MAP3K2: variants seen among roughly 807,000 people sequenced by gnomAD.
MAP3K2 encodes mitogen-activated protein kinase kinase kinase 2.
A neutral mutation model predicts 80.3 loss-of-function variants in MAP3K2; 24 were observed. That is an observed-to-expected ratio of 0.30 (90% CI 0.22 to 0.42). MAP3K2 has a LOEUF of 0.42. Among genes scored for constraint, MAP3K2 ranks in the 10% least tolerant of loss-of-function variants. The probability of loss-of-function intolerance (pLI) is 1.00; values close to 1 mark genes in which losing one functional copy is unlikely to be tolerated. For synonymous variants in MAP3K2, 244 were observed against 253.7 expected (o/e 0.96, Z 0.36); for missense variants, 608 against 750.1 (o/e 0.81, Z 2.21).
In MAP3K2 at chr2:127,302,174, T is replaced by C. The variant is rs1685605704; in HGVS notation, c.*5405A>G. On this transcript the variant is annotated 3_prime_UTR_variant, in exon 17 of 17. Transcript: ENST00000682094. ...TTACTTTCTATTTAAGAATTATATA[T>C]AAGATTATTTTACATATACACAAAT... 1 of 152,168 alleles carries C rather than the reference T, an allele frequency of 6.6e-6. No homozygotes were observed. Among genetic ancestry groups the C allele is most frequent in the Non-Finnish European group, 1.5e-5 (1 of 68,024 alleles). The allele number at this position is 152,168 out of a possible 1,614,324, so 9.4% of individuals were successfully genotyped here. A position where few individuals can be genotyped will look rare whatever the true frequency, so the allele number is the denominator to read the frequency against.
chr2:127,350,469 A>AAG (rs1573997356), intron 1 of MAP3K2, among the ~76,000 whole-genome samples: 2 of 149,062 alleles, frequency 1.3e-5, no homozygotes, highest in East Asian at 3.9e-4. Context: ...AAAAAAAAAA[A>AAG]AAGAAAGAAG....
At chr2:127,359,187 T>C (rs1686845005) in intron 1 of MAP3K2, among the ~76,000 whole-genome samples, 1 of 152,220 alleles carries the variant, frequency 6.6e-6, no homozygotes, top group African/African-American at 2.4e-5. Context: ...TTAATTCTAA[T>C]GTAAATTATG....
chr2:127,372,255 C>CG (rs1687078420), intron 1 of MAP3K2, among the ~76,000 whole-genome samples: 1 of 152,118 alleles, frequency 6.6e-6, no homozygotes, highest in African/African-American at 2.4e-5. Flanking sequence ...TTTCTTCCCC[C>CG]GGGATCAAAG....
chr2:127,340,886 A>C lies in MAP3K2; in HGVS notation c.5-1836T>G, dbSNP rs528033421. Among the ~76,000 whole-genome samples the C allele has an allele frequency of 1.4e-4, 21 of 152,300 alleles. No homozygotes were observed. The South Asian group carries it at 3.9e-3, about 29-fold the overall frequency. On this transcript the variant is annotated intron_variant, in intron 2 of 16. Coordinates refer to ENST00000682094, the MANE Select transcript of MAP3K2 (RefSeq NM_001371910.2). ...AGAAGAAACCTAAACATTTGAATTT[A>C]AACAATTTTATATGCTTAATATTAC...
At chr2:127,329,849 C>A in intron 7 of MAP3K2, 72 bp downstream of exon 7, 1 of 810,238 alleles carries the variant, frequency 1.2e-6, no homozygotes, top group Non-Finnish European at 2.1e-6. Context: ...TGTTTAGGTG[C>A]CACACTACAT....
Position 127,337,751 on chromosome 2 carries a change from T to A in MAP3K2, c.151A>T (p.Arg51Ter). Reference protein sequence around the residue: ...QNDVRVKFEHRGEKRILQFPR... With the variant: ...QNDVRVKFEH ...TTCCTTCCTTACCTTTTTTCTCCTC[T>A]ATGTTCAAATTTGACTCGGACATCA... Residue 51 changes from arginine (R) to a stop codon, truncating the protein, a stop_gained, in exon 4 of 17, where the codon AGA becomes TGA. Coordinates refer to ENST00000682094, the MANE Select transcript of MAP3K2 (RefSeq NM_001371910.2). LOFTEE classifies it high-confidence loss of function. The A allele has an allele frequency of 6.6e-7, 1 of 1,526,096 alleles. No individual in the cohort carries two copies. Among genetic ancestry groups the A allele is most frequent in the Non-Finnish European group, 8.9e-7 (1 of 1,124,466 alleles). 94.5% of individuals were successfully genotyped at this position (1,526,096 alleles called of 1,614,324 possible). A position where few individuals can be genotyped will look rare whatever the true frequency, so the allele number is the denominator to read the frequency against.
At chr2:127,374,556 T>C (rs1010394910) in intron 1 of MAP3K2, among the ~76,000 whole-genome samples, 1 of 152,216 alleles carries the variant, frequency 6.6e-6, no homozygotes, top group South Asian at 2.1e-4. Context: ...CATCCCCTCC[T>C]TCAACAGGTG....
At position 127,307,143 on chromosome 2, in the gene MAP3K2, T is replaced by C. The variant is rs1026420523; in HGVS notation, c.*436A>G. Reference sequence around the variant, plus strand: ...GGGCTCAACCCCACAAATGAGGATATATTTTAAATACTATCACTAAAAACT... The same window carrying C: ...GGGCTCAACCCCACAAATGAGGATACATTTTAAATACTATCACTAAAAACT... On this transcript the variant is annotated 3_prime_UTR_variant, in exon 17 of 17. Coordinates refer to ENST00000682094, the MANE Select transcript of MAP3K2 (RefSeq NM_001371910.2). The surrounding 1 kb of genome is among the most constrained non-coding windows in gnomAD (Gnocchi z 5.4). The C allele has an allele frequency of 1.3e-5, 2 of 152,962 alleles. No individual in the cohort carries two copies. The highest frequency in any genetic ancestry group is 2.9e-5 in the Non-Finnish European group (2 of 68,328). 9.5% of individuals were successfully genotyped at this position (152,962 alleles called of 1,614,324 possible).
chr2:127,333,306 C>CA, intron 5 of MAP3K2, among the ~76,000 whole-genome samples: 1 of 136,866 alleles, frequency 7.3e-6, no homozygotes, highest in Non-Finnish European at 1.6e-5. Flanking sequence ...ACACACACAC[C>CA]CCTTATTAAA....
At chr2:127,323,378 G>A (rs1342478934) in intron 11 of MAP3K2, among the ~76,000 whole-genome samples, 2 of 138,258 alleles carry the variant, frequency 1.4e-5, no homozygotes, top group African/African-American at 2.6e-5. Flanking sequence ...AAAAAAAAAA[G>A]AAAGAAAGAA....
At chr2:127,384,113 T>A (rs1687301545) in intron 1 of MAP3K2, among the ~76,000 whole-genome samples, 1 of 151,664 alleles carries the variant, frequency 6.6e-6, no homozygotes, top group Non-Finnish European at 1.5e-5. Flanking sequence ...GCCAGGATGG[T>A]CTTGATCTCC....
At chr2:127,333,432 G>C (rs967275022) in intron 5 of MAP3K2, among the ~76,000 whole-genome samples, 16 of 151,696 alleles carry the variant, frequency 1.1e-4, no homozygotes, top group African/African-American at 3.2e-4. Flanking sequence ...ATTTTGAACA[G>C]AGGAATTAAT....
intron 1 of MAP3K2, among the ~76,000 whole-genome samples, chr2:127,384,235 T>TATATATATATATATATATA (rs1558993419): frequency 1.4e-5 from 2 of 147,354 alleles, no homozygotes; most frequent in African/African-American, 5.0e-5. Flanking sequence ...TATATATATA[T>TATATATATATATATATATA]TGCTTTTTTA....
chr2:127,368,178 C>T (rs1020890070), intron 1 of MAP3K2, among the ~76,000 whole-genome samples: 1 of 151,910 alleles, frequency 6.6e-6, no homozygotes, highest in Admixed American at 6.6e-5. Flanking sequence ...GAAAATTAAC[C>T]TGGTGTGGTG....
intron 5 of MAP3K2, among the ~76,000 whole-genome samples, chr2:127,334,123 C>T (rs951548088): frequency 2.0e-5 from 3 of 151,738 alleles, no homozygotes; most frequent in African/African-American, 7.3e-5. Context: ...AAACAAAAAC[C>T]AGTTAGCTTG....
chr2:127,320,040 G>C (rs1685986235), intron 12 of MAP3K2, among the ~76,000 whole-genome samples: 1 of 152,148 alleles, frequency 6.6e-6, no homozygotes, highest in Non-Finnish European at 1.5e-5. Context: ...AAGAAGAGCT[G>C]TGCCTATTTC....
chr2:127,375,344 C>T (rs1687132151), intron 1 of MAP3K2, among the ~76,000 whole-genome samples: 1 of 152,110 alleles, frequency 6.6e-6, no homozygotes, highest in African/African-American at 2.4e-5. Flanking sequence ...GTGAATCCTG[C>T]TCTGGACACA....
chr2:127,353,443 T>C (rs1686737253), intron 1 of MAP3K2, among the ~76,000 whole-genome samples: 1 of 149,936 alleles, frequency 6.7e-6, no homozygotes, highest in Admixed American at 6.6e-5. Flanking sequence ...GTCTGAGAAG[T>C]GAGGAGCCCC....
rs759164179 is a variant in MAP3K2, at chr2:127,308,686, G to A, written c.1533C>T (p.Ile511=). The change falls in exon 16 of 17, where the codon ATC becomes ATT. Residue 511 remains isoleucine, a synonymous_variant. Transcript: ENST00000682094. ...DFGASKRLQT[I]CLSGTGMKSV... is the part of the protein sequence containing the mutation. ...ACTTCATTCCTGTCCCTGAGAGACA[G>A]ATGGTCTGAAGCCGTTTGCTGGCCC... 1.9e-6 allele frequency: 3 copies of A among 1,613,864 alleles called. No individual in the cohort carries two copies. The African/African-American group carries it at 4.0e-5, about 22-fold the overall frequency.
Sources: allele counts gnomAD v4.1 joint callset (sites outside exome capture counted in the v4.1 genomes callset), GRCh38; gene constraint gnomAD v4.1.1; non-coding constraint Gnocchi (gnomAD v3.1); transcripts MANE v1.5; gene names NCBI Gene and HGNC (gene_info 2026-07-23, HGNC 2026-07-21).